The following ZNF83 variants were observed in gnomAD, a reference collection of about 807,000 sequenced individuals.
ZNF83 encodes the protein zinc finger protein 816B.
For missense variants in ZNF83, 552 were observed against 629.9 expected (o/e 0.88, Z 1.32); for synonymous variants, 209 against 213.0 (o/e 0.98, Z 0.17).
At chr19:52,664,137 G>A (rs1231353157) in intron 1 of ZNF83, among the ~76,000 whole-genome samples, 1 of 151,368 alleles carries the variant, frequency 6.6e-6, no homozygotes, top group African/African-American at 2.4e-5. Flanking sequence ...ACCAGCCTTG[G>A]CCTCCAAACT....
chr19:52,632,706 C>T (rs921145897), intron 2 of ZNF83, among the ~76,000 whole-genome samples: 5 of 152,180 alleles, frequency 3.3e-5, no homozygotes, highest in African/African-American at 1.2e-4. Flanking sequence ...TATTAGATGT[C>T]GTAGTTCCTC....
chr19:52,623,908 G>C (rs1245902273), intron 2 of ZNF83, among the ~76,000 whole-genome samples: 1 of 152,100 alleles, frequency 6.6e-6, no homozygotes, highest in African/African-American at 2.4e-5. Flanking sequence ...TATCCACCCT[G>C]TGGTGCCCAA....
chr19:52,634,096 CCT>C (rs2061064259), intron 2 of ZNF83, among the ~76,000 whole-genome samples: 1 of 151,806 alleles, frequency 6.6e-6, no homozygotes, highest in African/African-American at 2.4e-5. Flanking sequence ...GTGATGAAAC[CCT>C]GTGTCTACTA....
At chr19:52,674,854 G>A (rs148435632) in intron 1 of ZNF83, among the ~76,000 whole-genome samples, 46 of 152,152 alleles carry the variant, frequency 3.0e-4, no homozygotes, top group Non-Finnish European at 5.4e-4. Context: ...TTAACACAAC[G>A]CCCATACAAA....
rs184935399 is a variant in ZNF83 at position 52,663,640 on chromosome 19, T to G, written c.-282-2797A>C. 5.4e-3 allele frequency among the ~76,000 whole-genome samples: 818 copies of G among 152,310 alleles called. 3 individuals carry two copies. The highest frequency in any genetic ancestry group is 0.019 in the African/African-American group (771 of 41,558). On this transcript the variant is annotated intron_variant, in intron 1 of 5. Coordinates refer to the ZNF83 transcript ENST00000594682. ...TTATTGAGTACACATTGAAACAACC[T>G]AAAATCATTTATCAGGTACCAGAAA...
intron 3 of ZNF83, chr19:52,654,351 T>G (rs546582025): frequency 3.0e-6 from 4 of 1,327,272 alleles, no homozygotes; most frequent in Admixed American, 2.1e-5. Flanking sequence ...TCACTTCTCC[T>G]GTATTACCGT....
chr19:52,614,259 A>C (rs2060226299), exon 3 of ZNF83: 1 of 1,613,992 alleles, frequency 6.2e-7, no homozygotes, highest in African/African-American at 1.3e-5. Flanking sequence ...AGCCTTGATG[A>C]AAGGCCTTGC....
chr19:52,616,556 G>A (rs1190360793), intron 2 of ZNF83, among the ~76,000 whole-genome samples: 6 of 152,048 alleles, frequency 3.9e-5, no homozygotes, highest in Admixed American at 3.9e-4. Context: ...AAAAAAGAAC[G>A]AGGTTGGCAG....
chr19:52,689,764 T>C (rs369492898), intron 1 of ZNF83, among the ~76,000 whole-genome samples: 18 of 151,940 alleles, frequency 1.2e-4, no homozygotes, highest in South Asian at 4.1e-4. Flanking sequence ...GTCCGTCTCC[T>C]GATCCCTTTG....
intron 2 of ZNF83, chr19:52,655,704 A>AT: frequency 1.0e-6 from 1 of 965,994 alleles, no homozygotes; most frequent in Non-Finnish European, 1.6e-6. Context: ...TTAAACACAC[A>AT]TTTCAACAAA....
intron 1 of ZNF83, among the ~76,000 whole-genome samples, chr19:52,688,359 G>A (rs538560752): frequency 6.7e-6 from 1 of 150,008 alleles, no homozygotes; most frequent in Non-Finnish European, 1.5e-5. Context: ...TTTTGGCAGA[G>A]ATAAGGATCT....
chr19:52,661,142 G>A (rs2061574739), intron 1 of ZNF83, among the ~76,000 whole-genome samples: 4 of 151,864 alleles, frequency 2.6e-5, no homozygotes, highest in Admixed American at 1.3e-4. Flanking sequence ...TGATTACAGG[G>A]GTAAACCACC....
chr19:52,679,760 ACAGT>A (rs1290200642), intron 1 of ZNF83, among the ~76,000 whole-genome samples: 1 of 152,224 alleles, frequency 6.6e-6, no homozygotes, highest in African/African-American at 2.4e-5. Context: ...TTCAATCATA[ACAGT>A]CAAAGTGTTC....
At chr19:52,644,432 A>G (rs2061347913) in intron 3 of ZNF83, among the ~76,000 whole-genome samples, 1 of 152,160 alleles carries the variant, frequency 6.6e-6, no homozygotes, top group Admixed American at 6.5e-5. Flanking sequence ...GATGAGTGAA[A>G]AGATGTGTCT....
At chr19:52,613,477 T>C (rs1338832800) in exon 3 of ZNF83, 1 of 1,614,180 alleles carries the variant, frequency 6.2e-7, no homozygotes. Flanking sequence ...AATTATCAGA[T>C]GTTGGGCAAG....
chr19:52,653,173 C>T lies in ZNF83; in HGVS notation c.-74+2388G>A, dbSNP rs551994962. On this transcript the variant is annotated intron_variant, in intron 3 of 5. Coordinates refer to the ZNF83 transcript ENST00000594682. ...AGGTTTTTCTCCGGTATGAAGTCTA[C>T]GATGGCCCACAAGGGATGACTTCTG... 2.9e-5 allele frequency: 42 copies of T among 1,457,188 alleles called. 1 individual carries two copies. The highest frequency in any genetic ancestry group is 2.8e-4 in the African/African-American group (19 of 68,054). 90.3% of individuals were successfully genotyped at this position (1,457,188 alleles called of 1,614,324 possible).
intron 3 of ZNF83, among the ~76,000 whole-genome samples, chr19:52,645,461 C>A (rs969754467): frequency 1.3e-5 from 2 of 152,060 alleles, no homozygotes; most frequent in African/African-American, 4.8e-5. Context: ...TAGGATGCAA[C>A]AAAGGCATCT....
chr19:52,616,986 G>C (rs935270508), intron 2 of ZNF83: 1 of 152,124 alleles, frequency 6.6e-6, no homozygotes, highest in South Asian at 2.1e-4. Flanking sequence ...TGAACGATTA[G>C]AACACATGGT....
At chr19:52,687,489 AATTTATATAGAT>A (rs1206638519) in intron 1 of ZNF83, among the ~76,000 whole-genome samples, 4 of 58,632 alleles carry the variant, frequency 6.8e-5, no homozygotes, top group East Asian at 3.6e-4. Flanking sequence ...TATAAATTAT[AATTTATATAGAT>A]ATATAAATTA....
Sources: gnomAD v4.1 joint callset for allele counts (sites outside exome capture counted in the v4.1 genomes callset) on GRCh38, gnomAD v4.1.1 for gene constraint, MANE v1.5 for transcripts, NCBI Gene and HGNC (gene_info 2026-07-23, HGNC 2026-07-21) for gene names.